C16orf96: variants seen among roughly 807,000 people sequenced by gnomAD.
C16orf96 encodes the protein uncharacterized protein C16orf96.
A neutral mutation model predicts 103.6 loss-of-function variants in C16orf96; 108 were observed. The ratio of observed to expected loss-of-function variants is 1.04; its 90% CI spans 0.89 to 1.22. The LOEUF (loss-of-function observed/expected upper bound fraction) is 1.22, where lower values mean the gene tolerates loss of function less well. C16orf96 is among the 50% of genes most tolerant of loss of function. The pLI is 0.00. For missense variants in C16orf96, 1,586 were observed against 1,464.2 expected, an observed-to-expected ratio of 1.08 and a Z score of -1.36; for synonymous variants, 566 against 593.5, an observed-to-expected ratio of 0.95 and a Z score of 0.67.
chr16:4,543,938 C>T, the C16orf96 span, among the ~76,000 whole-genome samples: 39 of 152,066 alleles, frequency 2.6e-4, 1 homozygote, highest in South Asian at 7.1e-3. Flanking sequence ...CACCGCACCC[C>T]GCCAGGATTC....
upstream of C16orf96, among the ~76,000 whole-genome samples, chr16:4,552,975 CACTT>C (rs2059237066): frequency 2.0e-5 from 3 of 152,272 alleles, no homozygotes; most frequent in Admixed American, 6.5e-5. Context: ...ATTTAGCAAA[CACTT>C]ACTGAGCACC....
intron 12 of C16orf96, among the ~76,000 whole-genome samples, chr16:4,594,117 G>A (rs912083091): frequency 6.6e-6 from 1 of 152,204 alleles, no homozygotes; most frequent in Non-Finnish European, 1.5e-5. Context: ...CAGGCCAGGG[G>A]TCCAAAGGGA....
chr16:4,566,556 T>C (rs1020882571), intron 1 of C16orf96, among the ~76,000 whole-genome samples: 1 of 152,234 alleles, frequency 6.6e-6, no homozygotes, highest in African/African-American at 2.4e-5. Context: ...AAGAGTTCTG[T>C]ATATATTCTG....
chr16:4,593,441 C>A lies in C16orf96; in HGVS notation c.2867+125C>A. The stretch of plus-strand genomic sequence containing the variant: ...GGACCTAAGATTGTCCTGGACATGG[C>A]CAGCCCTTCGCAAGACAGGCACTCC... On this transcript the variant is annotated intron_variant, in intron 12 of 15. Transcript: ENST00000444310. The surrounding 1 kb of genome is among the most constrained non-coding windows in gnomAD (Gnocchi z 4.2). The A allele has an allele frequency of 3.2e-6, 3 of 949,576 alleles. No individual in the cohort carries two copies. Among genetic ancestry groups the A allele is most frequent in the Non-Finnish European group, 4.7e-6 (3 of 631,988 alleles). 58.8% of individuals were successfully genotyped at this position (949,576 alleles called of 1,614,324 possible).
intron 1 of C16orf96, among the ~76,000 whole-genome samples, chr16:4,568,435 T>C (rs116674550): frequency 1.3e-3 from 201 of 151,900 alleles, no homozygotes; most frequent in African/African-American, 4.6e-3. Flanking sequence ...ATCTTCTCTT[T>C]TCTTGCTGGC....
At chr16:4,591,923 G>A (rs773969775) in intron 10 of C16orf96, 139 bp downstream of exon 10, 18 of 725,346 alleles carry the variant, frequency 2.5e-5, no homozygotes, top group African/African-American at 5.3e-5. Flanking sequence ...AAAGCACTGA[G>A]GAGGAGGGAA....
the C16orf96 span, among the ~76,000 whole-genome samples, chr16:4,544,613 A>G: frequency 6.6e-6 from 1 of 152,094 alleles, no homozygotes; most frequent in Non-Finnish European, 1.5e-5. Context: ...TGTCTGAAAA[A>G]TAGGTATATT....
Position 4,593,241 on chromosome 16 carries a change from G to T in C16orf96, c.2792G>T (p.Arg931Leu). 1 of 1,550,934 alleles carries T rather than the reference G, an allele frequency of 6.4e-7. No homozygotes were observed. The highest frequency in any genetic ancestry group is 1.2e-5 in the South Asian group (1 of 84,022). ...TCCAACAGACAGCTGATCACCATCCGCAAAGCCCACCTGCTGTCCCGGCTG... is the reference window on the plus strand; with the variant it reads ...TCCAACAGACAGCTGATCACCATCCTCAAAGCCCACCTGCTGTCCCGGCTG... ...MMTGPQLITI[R>L]KAHLLSRLRP... The change falls in exon 12 of 16, where the codon CGC (arginine) becomes CTC (leucine). Residue 931 changes from arginine to leucine, a missense_variant. By Grantham distance (102) the Arg-to-Leu change is moderately radical. Coordinates refer to ENST00000444310, the MANE Select transcript of C16orf96 (RefSeq NM_001145011.2). This position sits in a 1 kb window ranked among gnomAD's most constrained non-coding sequence, Gnocchi z 4.2.
chr16:4,592,342 C>A lies in C16orf96; in HGVS notation c.2749C>A (p.Arg917=). The A allele has an allele frequency of 2.6e-6, 4 of 1,551,636 alleles. No individual in the cohort carries two copies. The highest frequency in any genetic ancestry group is 3.5e-6 in the Non-Finnish European group (4 of 1,146,984). ...GCGCGTGAAGTGCATCTCCTGTGAC[C>A]GGCCTGTGGAGATGATGACTGGCCC... ...FKRVKCISCD[R]PVEMMTGPQL... is the part of the protein sequence containing the mutation. The change falls in exon 11 of 16, where the codon CGG becomes AGG. Residue 917 remains arginine (R), a synonymous_variant. Coordinates refer to ENST00000444310, the MANE Select transcript of C16orf96 (RefSeq NM_001145011.2).
intron 1 of C16orf96, among the ~76,000 whole-genome samples, chr16:4,557,185 G>A (rs1455702397): frequency 6.6e-6 from 1 of 152,112 alleles, no homozygotes; most frequent in Non-Finnish European, 1.5e-5. Context: ...GGCCAGGCTG[G>A]TCTCAAACCC....
chr16:4,599,210 C>G lies in C16orf96; in HGVS notation c.3128-74C>G, dbSNP rs183706092. ...TTGGTCCCACCAGAGGGAGACTGCC[C>G]AGTGCTGGGATCGGCCTGACACAGG... On this transcript the variant is annotated intron_variant, in intron 14 of 15. Coordinates refer to ENST00000444310, the MANE Select transcript of C16orf96 (RefSeq NM_001145011.2). 2.8e-4 allele frequency: 373 copies of G among 1,321,728 alleles called. 2 individuals are homozygous for G. The Admixed American group carries it at 3.8e-3, about 14-fold the overall frequency. 81.9% of individuals were successfully genotyped at this position (1,321,728 alleles called of 1,614,324 possible).
intron 14 of C16orf96, among the ~76,000 whole-genome samples, chr16:4,595,074 G>A (rs183589268): frequency 3.9e-5 from 6 of 152,322 alleles, no homozygotes; most frequent in East Asian, 1.9e-4. Flanking sequence ...GGCCTGTGAC[G>A]AAGGACGATG....
At chr16:4,549,429 C>T in the C16orf96 span, among the ~76,000 whole-genome samples, 5 of 144,824 alleles carry the variant, frequency 3.5e-5, no homozygotes, top group African/African-American at 7.8e-5. Context: ...GCCAAGATCG[C>T]GCCACTGCAC....
the C16orf96 span, among the ~76,000 whole-genome samples, chr16:4,544,799 C>T: frequency 6.6e-6 from 1 of 152,120 alleles, no homozygotes; most frequent in South Asian, 2.1e-4. Flanking sequence ...TGGGCCTCAG[C>T]TCCCTCACCT....
chr16:4,585,167 A>C (rs1896891711), intron 7 of C16orf96, among the ~76,000 whole-genome samples: 1 of 151,958 alleles, frequency 6.6e-6, no homozygotes, highest in Non-Finnish European at 1.5e-5. Flanking sequence ...AATAAAAAGC[A>C]TAAATAAGGC....
chr16:4,580,125 G>C lies in C16orf96; in HGVS notation c.2352G>C (p.Lys784Asn). 1 of 1,515,232 alleles carries C rather than the reference G, an allele frequency of 6.6e-7. No homozygotes were observed. The highest frequency in any genetic ancestry group is 8.9e-7 in the Non-Finnish European group (1 of 1,128,378). The allele number at this position is 1,515,232 out of a possible 1,614,324, so 93.9% of individuals were successfully genotyped here. A position where few individuals can be genotyped will look rare whatever the true frequency, so the allele number is the denominator to read the frequency against. ...TGCAGATTCGCATGGATGAGTTCAA[G>C]GTTAGGAGGACTGGGTAGGCTGGAG... ...ENLQIRMDEF[K>N]TLQAQIKRLE... Residue 784 changes from lysine (K) to asparagine (N), a missense_variant and splice_region_variant, in exon 7 of 16, where the codon AAG (lysine) becomes AAC (asparagine). Physicochemically the swap from Lys to Asn is moderately conservative, Grantham distance 94. Coordinates refer to ENST00000444310, the MANE Select transcript of C16orf96 (RefSeq NM_001145011.2).
chr16:4,575,997 A>T lies in C16orf96; in HGVS notation c.1517A>T (p.Asp506Val). ...DVDPKDRAHK[D>V]DVPKDRGGKD... ...GACCCCAAGGATAGAGCTCACAAGG[A>T]TGATGTCCCCAAAGATAGAGGTGGC... is the stretch of plus-strand genomic sequence containing the variant. The change falls in exon 5 of 16, where the codon GAT (aspartate) becomes GTT (valine). Residue 506 changes from aspartate (D) to valine (V), a missense_variant. Coordinates refer to ENST00000444310, the MANE Select transcript of C16orf96 (RefSeq NM_001145011.2). The T allele has an allele frequency of 1.3e-6, 2 of 1,549,988 alleles. No individual in the cohort carries two copies. Among genetic ancestry groups the T allele is most frequent in the Non-Finnish European group, 8.7e-7 (1 of 1,146,054 alleles).
At chr16:4,569,619 C>G (rs934211390) in intron 1 of C16orf96, among the ~76,000 whole-genome samples, 1 of 150,400 alleles carries the variant, frequency 6.6e-6, no homozygotes, top group Non-Finnish European at 1.5e-5. Flanking sequence ...GTAGTCTCAG[C>G]TACTTGGGAG....
the C16orf96 span, among the ~76,000 whole-genome samples, chr16:4,546,860 C>A: frequency 2.0e-5 from 3 of 152,152 alleles, no homozygotes; most frequent in African/African-American, 7.2e-5. Context: ...ATTATTCATT[C>A]CATAAAAAGG....
Sources: gnomAD v4.1 joint callset for allele counts (sites outside exome capture counted in the v4.1 genomes callset) on GRCh38, gnomAD v4.1.1 for gene constraint, Gnocchi (gnomAD v3.1) non-coding constraint, MANE v1.5 for transcripts, NCBI Gene and HGNC (gene_info 2026-07-23, HGNC 2026-07-21) for gene names.